The following RBFOX3 variants were observed in gnomAD, a reference collection of about 807,000 sequenced individuals.
RBFOX3 encodes the protein RNA binding protein fox-1 homolog 3.
Under a neutral mutation model 48.7 loss-of-function variants are expected in RBFOX3, and 17 were observed. The observed-to-expected ratio is 0.35, with a 90% CI of 0.24 to 0.52. The LOEUF (loss-of-function observed/expected upper bound fraction) is 0.52. RBFOX3 is among the 20% of genes least tolerant of loss of function. RBFOX3 has a pLI of 0.94. For synonymous variants in RBFOX3, 212 were observed against 209.5 expected, an observed-to-expected ratio of 1.01 and a Z score of -0.10; for missense variants, 382 against 497.5, an observed-to-expected ratio of 0.77 and a Z score of 2.21.
chr17:79,167,310 C>T (rs2048205181), intron 4 of RBFOX3, among the ~76,000 whole-genome samples: 1 of 152,082 alleles, frequency 6.6e-6, no homozygotes, highest in South Asian at 2.1e-4. Flanking sequence ...CCATCAGGCT[C>T]TGGGGGGCCC....
At chr17:79,426,382 G>C (rs2067382879) in intron 2 of RBFOX3, among the ~76,000 whole-genome samples, 1 of 152,166 alleles carries the variant, frequency 6.6e-6, no homozygotes, top group Admixed American at 6.5e-5. Context: ...AGGGTCAGGG[G>C]AACAACCCAC....
intron 4 of RBFOX3, among the ~76,000 whole-genome samples, chr17:79,139,835 C>T (rs1200544105): frequency 2.6e-5 from 4 of 152,234 alleles, no homozygotes; most frequent in Non-Finnish European, 4.4e-5. Flanking sequence ...GCAGAACCAC[C>T]GTGTGTGCCC....
At position 79,103,718 on chromosome 17, in the gene RBFOX3, C is replaced by G. The variant is rs1016667783; in HGVS notation, c.414+355G>C. ...GAAGGGGAGTAGGGCTTGTCTCCGC[C>G]GGACACCCTCCCCAGCCTGCCCTCT... On this transcript the variant is annotated intron_variant, in intron 7 of 14. Transcript: ENST00000693108. This position sits in a 1 kb window ranked among gnomAD's most constrained non-coding sequence, Gnocchi z 6.1. 6.6e-6 allele frequency among the ~76,000 whole-genome samples: 1 copy of G among 152,060 alleles called. No homozygotes were observed.
intron 2 of RBFOX3, among the ~76,000 whole-genome samples, chr17:79,371,043 T>G (rs142798040): frequency 1.3e-3 from 193 of 152,228 alleles, no homozygotes; most frequent in African/African-American, 4.5e-3. Flanking sequence ...GCAGGGGACT[T>G]GGGGAGGCAT....
At chr17:79,662,132 C>CT in the RBFOX3 span, among the ~76,000 whole-genome samples, 29 of 96,866 alleles carry the variant, frequency 3.0e-4, 2 homozygotes, top group South Asian at 3.4e-3. Context: ...CCTGTTTATT[C>CT]TTTTTTTTTT....
intron 1 of RBFOX3, among the ~76,000 whole-genome samples, chr17:79,493,955 C>A (rs1319617506): frequency 6.6e-6 from 1 of 152,074 alleles, no homozygotes; most frequent in Non-Finnish European, 1.5e-5. Flanking sequence ...GAAGTTGACC[C>A]AGACCAGCTC....
At chr17:79,270,047 A>C (rs949696072) in intron 3 of RBFOX3, among the ~76,000 whole-genome samples, 1 of 151,032 alleles carries the variant, frequency 6.6e-6, no homozygotes, top group East Asian at 2.0e-4. Context: ...CCCTCTGCGA[A>C]TCACTCCCTT....
intron 2 of RBFOX3, among the ~76,000 whole-genome samples, chr17:79,420,693 G>A (rs996643408): frequency 1.4e-4 from 22 of 152,340 alleles, no homozygotes; most frequent in East Asian, 1.2e-3. Flanking sequence ...TCGGCCACCC[G>A]AGGGGAGGGT....
intron 1 of RBFOX3, among the ~76,000 whole-genome samples, chr17:79,508,586 G>T (rs1479183003): frequency 6.6e-6 from 1 of 152,192 alleles, no homozygotes; most frequent in Non-Finnish European, 1.5e-5. Context: ...CTCATCTGGG[G>T]TTGGGGTGGG....
intron 4 of RBFOX3, among the ~76,000 whole-genome samples, chr17:79,139,603 A>G: frequency 6.6e-6 from 1 of 152,144 alleles, no homozygotes; most frequent in East Asian, 1.9e-4. Context: ...GCCAGGGAGG[A>G]GGATGCACTG....
At chr17:79,340,124 C>T (rs1221273355) in intron 2 of RBFOX3, among the ~76,000 whole-genome samples, 1 of 152,064 alleles carries the variant, frequency 6.6e-6, no homozygotes, top group Non-Finnish European at 1.5e-5. Flanking sequence ...CATGGTGAAA[C>T]CCTGTCCCTA....
chr17:79,446,985 C>T (rs914787347), intron 2 of RBFOX3, among the ~76,000 whole-genome samples: 10 of 152,256 alleles, frequency 6.6e-5, no homozygotes, highest in Admixed American at 3.3e-4. Context: ...CCCTGCAACA[C>T]GAGTACCTGA....
chr17:79,433,976 T>C (rs1440677853), intron 2 of RBFOX3, among the ~76,000 whole-genome samples: 1 of 152,216 alleles, frequency 6.6e-6, no homozygotes, highest in East Asian at 1.9e-4. Flanking sequence ...CTAACAGCAC[T>C]AGAGGAAGCA....
intron 2 of RBFOX3, among the ~76,000 whole-genome samples, chr17:79,344,278 A>G (rs12452661): frequency 0.21 from 31,687 of 152,066 alleles, 3,386 homozygotes; most frequent in East Asian, 0.3. Context: ...ATTTGGGGGA[A>G]ATTTTAACTG....
intron 2 of RBFOX3, among the ~76,000 whole-genome samples, chr17:79,313,086 G>A (rs893843712): frequency 5.9e-5 from 9 of 152,286 alleles, no homozygotes; most frequent in East Asian, 1.9e-4. Flanking sequence ...AGCTCAGCGC[G>A]GCACCTCTAC....
At position 79,443,110 on chromosome 17, in the gene RBFOX3, G is replaced by A. The variant is rs1209186617; in HGVS notation, c.-175+39344C>T. Among the ~76,000 whole-genome samples, 1 of 152,188 alleles carries A rather than the reference G, an allele frequency of 6.6e-6. No homozygotes were observed. Among genetic ancestry groups the A allele is most frequent in the Non-Finnish European group, 1.5e-5 (1 of 68,026 alleles). Reference sequence around the variant, plus strand: ...AGACAGTGGTGGCCTCTGCCCCTGTGGACAAAACCGGAGCTCAGCCTCCCA... The same window carrying A: ...AGACAGTGGTGGCCTCTGCCCCTGTAGACAAAACCGGAGCTCAGCCTCCCA... On this transcript the variant is annotated intron_variant, in intron 2 of 14. Transcript: ENST00000693108. The surrounding 1 kb of genome is among the most constrained non-coding windows in gnomAD (Gnocchi z 4.4).
chr17:79,511,430 AGAG>A lies in RBFOX3; in HGVS notation c.-319-28835_-319-28833del, dbSNP rs1281170171. Among the ~76,000 whole-genome samples, 245 of 152,278 alleles carry A rather than the reference AGAG, an allele frequency of 1.6e-3. 4 individuals are homozygous for A. In the Middle Eastern group the frequency reaches 0.02, roughly 13 times the overall value. ...CTGCCCATGAGGCTCTTGGTCTTGC[AGAG>A]GAGGAGTCGTGGAAATGGGATAATT... On this transcript the variant is annotated intron_variant, in intron 1 of 14. Transcript: ENST00000693108.
At chr17:79,206,062 T>G (rs1394824255) in intron 4 of RBFOX3, among the ~76,000 whole-genome samples, 1 of 152,080 alleles carries the variant, frequency 6.6e-6, no homozygotes, top group Non-Finnish European at 1.5e-5. Context: ...GTCCAGCTAA[T>G]GCCTGAGGAA....
At chr17:79,410,371 C>T (rs1313957380) in intron 2 of RBFOX3, among the ~76,000 whole-genome samples, 1 of 152,176 alleles carries the variant, frequency 6.6e-6, no homozygotes, top group Non-Finnish European at 1.5e-5. Flanking sequence ...AGGTCAGCAC[C>T]TGGTGTACAC....
Sources: allele counts gnomAD v4.1 joint callset (sites outside exome capture counted in the v4.1 genomes callset), GRCh38; gene constraint gnomAD v4.1.1; non-coding constraint Gnocchi (gnomAD v3.1); transcripts MANE v1.5; gene names NCBI Gene and HGNC (gene_info 2026-07-23, HGNC 2026-07-21).